Variants in ANKRD6 observed in about 807,000 individuals in gnomAD.
ANKRD6 encodes the protein ankyrin repeat domain 6, also known as ankyrin repeat domain-containing protein 6.
ANKRD6 carries 56 observed loss-of-function variants against 82.3 expected under a neutral mutation model. The observed-to-expected ratio is 0.68, with a 90% confidence interval of 0.55 to 0.85. The LOEUF (loss-of-function observed/expected upper bound fraction) is 0.85, where lower values mean the gene tolerates loss of function less well. Ranked by LOEUF, ANKRD6 falls within the 40% of genes least tolerant of loss-of-function variation. The pLI is 0.00. For synonymous variants in ANKRD6, 347 were observed against 352.1 expected (o/e 0.99, Z 0.16); for missense variants, 852 against 907.6 (o/e 0.94, Z 0.79).
At chr6:89,603,597 CG>C (rs988936386) in intron 4 of ANKRD6, among the ~76,000 whole-genome samples, 3 of 151,970 alleles carry the variant, frequency 2.0e-5, no homozygotes, top group South Asian at 4.2e-4. Flanking sequence ...AGGCCTGGGT[CG>C]GGGGGGTAAG....
At chr6:89,488,870 A>ATTCTATTCTG (rs1303869656) in intron 1 of ANKRD6, among the ~76,000 whole-genome samples, 1 of 79,456 alleles carries the variant, frequency 1.3e-5, no homozygotes, top group Non-Finnish European at 2.6e-5. Flanking sequence ...ATATCGATCT[A>ATTCTATTCTG]TTCTATTCTA....
At chr6:89,625,484 T>C (rs1196561844) in intron 13 of ANKRD6, among the ~76,000 whole-genome samples, 1 of 152,180 alleles carries the variant, frequency 6.6e-6, no homozygotes, top group Admixed American at 6.5e-5. Flanking sequence ...TGCTTGTATA[T>C]AATCCCTGTA....
chr6:89,590,114 A>G (rs146356285), intron 2 of ANKRD6, among the ~76,000 whole-genome samples: 1 of 152,344 alleles, frequency 6.6e-6, no homozygotes, highest in African/African-American at 2.4e-5. Flanking sequence ...ATTCTTTTCC[A>G]TATTTTTAGT....
At chr6:89,623,002 TGGGGTGGG>T (rs1327377947) in intron 10 of ANKRD6, among the ~76,000 whole-genome samples, 1 of 5,644 alleles carries the variant, frequency 1.8e-4, no homozygotes, top group African/African-American at 7.5e-4. Flanking sequence ...TGTTGTGGGT[TGGGGTGGG>T]GGAGTGGGGG....
chr6:89,612,490 C>G, intron 6 of ANKRD6, 120 bp downstream of exon 6: 4 of 1,074,612 alleles, frequency 3.7e-6, no homozygotes, highest in Non-Finnish European at 5.3e-6. Context: ...TATTTGGGGA[C>G]TATCTCTAAA....
Position 89,632,932 on chromosome 6 carries a change from A to G in ANKRD6, c.*1928A>G, listed in dbSNP as rs1807691141. 6.6e-6 allele frequency: 1 copy of G among 152,194 alleles called. No individual in the cohort carries two copies. Among genetic ancestry groups the G allele is most frequent in the Non-Finnish European group, 1.5e-5 (1 of 68,034 alleles). The allele number at this position is 152,194 out of a possible 1,614,324, so 9.4% of individuals were successfully genotyped here. ...TTCAGTAGGCTGTGTTCCAAGCAGG[A>G]ATTATTTTCACTTACCAAAATATCT... is the stretch of plus-strand genomic sequence containing the variant. On this transcript the variant is annotated 3_prime_UTR_variant, in exon 16 of 16. Coordinates refer to ENST00000339746, the MANE Select transcript of ANKRD6 (RefSeq NM_001242809.2).
chr6:89,571,348 G>T (rs977351741), intron 2 of ANKRD6, among the ~76,000 whole-genome samples: 2 of 152,086 alleles, frequency 1.3e-5, no homozygotes, highest in African/African-American at 2.4e-5. Flanking sequence ...TTCCTAATGG[G>T]TGTGAGGTGA....
chr6:89,576,937 T>A (rs1791244381), intron 2 of ANKRD6, among the ~76,000 whole-genome samples: 1 of 152,126 alleles, frequency 6.6e-6, no homozygotes, highest in Admixed American at 6.6e-5. Flanking sequence ...TTTTATTTTT[T>A]ATTTTTTTTT....
chr6:89,490,882 T>A (rs927229803), intron 1 of ANKRD6, among the ~76,000 whole-genome samples: 7 of 152,158 alleles, frequency 4.6e-5, no homozygotes, highest in African/African-American at 1.7e-4. Context: ...CCTGTGAATA[T>A]TCCCTTATTT....
chr6:89,501,089 G>T (rs374458927), intron 1 of ANKRD6, among the ~76,000 whole-genome samples: 35 of 151,848 alleles, frequency 2.3e-4, no homozygotes, highest in Non-Finnish European at 3.8e-4. Flanking sequence ...CATTTCTTAG[G>T]AGTAGCTTTT....
intron 1 of ANKRD6, among the ~76,000 whole-genome samples, chr6:89,560,278 G>T (rs950635065): frequency 7.9e-5 from 12 of 152,206 alleles, no homozygotes; most frequent in Non-Finnish European, 1.6e-4. Flanking sequence ...GCAGGGTTCA[G>T]TTTCGGGTGA....
chr6:89,552,054 G>T (rs1194332152), intron 1 of ANKRD6, among the ~76,000 whole-genome samples: 1 of 152,224 alleles, frequency 6.6e-6, no homozygotes, highest in Non-Finnish European at 1.5e-5. Context: ...TATTGGTTAA[G>T]GAATGTAGTG....
chr6:89,582,184 A>AT (rs1462424598), intron 2 of ANKRD6, among the ~76,000 whole-genome samples: 1 of 152,286 alleles, frequency 6.6e-6, no homozygotes, highest in African/African-American at 2.4e-5. Context: ...TTGAAGGAGA[A>AT]TTGTCAGGCC....
chr6:89,595,797 G>GATT, intron 2 of ANKRD6, 119 bp from the exon 3 acceptor site: 1 of 737,454 alleles, frequency 1.4e-6, no homozygotes, highest in African/African-American at 1.7e-5. Flanking sequence ...CAATCCAAAG[G>GATT]GGCAGGAGGG....
Position 89,578,286 on chromosome 6 carries a change from C to CTTTTTTTTTTTTTTTTTTTTTTTTTTTTT in ANKRD6, c.120+11216_120+11217insTTTTTTTTTTTTTTTTTTTTTTTTTTTTT, listed in dbSNP as rs71024383. Among the ~76,000 whole-genome samples, 4 of 119,098 alleles carry CTTTTTTTTTTTTTTTTTTTTTTTTTTTTT rather than the reference C, an allele frequency of 3.4e-5. 2 individuals are homozygous for CTTTTTTTTTTTTTTTTTTTTTTTTTTTTT. 78.1% of individuals were successfully genotyped at this position (119,098 alleles called of 152,430 possible). The stretch of plus-strand genomic sequence containing the variant: ...ATTAGCTTTTTCCCCCTCCCGCCTC[C>CTTTTTTTTTTTTTTTTTTTTTTTTTTTTT]TTTTTTTTTTTTTTTTTTTTTTTTT... On this transcript the variant is annotated intron_variant, in intron 2 of 15. Transcript: ENST00000339746.
intron 2 of ANKRD6, among the ~76,000 whole-genome samples, chr6:89,580,947 C>T (rs907729244): frequency 6.6e-6 from 1 of 152,066 alleles, no homozygotes; most frequent in Non-Finnish European, 1.5e-5. Flanking sequence ...TCCAAAGGAC[C>T]CCATACACTT....
intron 1 of ANKRD6, among the ~76,000 whole-genome samples, chr6:89,487,449 A>G (rs1562616140): frequency 6.6e-6 from 1 of 152,210 alleles, no homozygotes; most frequent in African/African-American, 2.4e-5. Context: ...CTTTGGATAC[A>G]TATTGCTAGA....
intron 3 of ANKRD6, chr6:89,601,506 A>G (rs1417153346): frequency 6.6e-6 from 1 of 152,196 alleles, no homozygotes; most frequent in Non-Finnish European, 1.5e-5. Context: ...TGTTAAATAT[A>G]AAAAGCTGGA....
chr6:89,508,803 A>G (rs570552341), intron 1 of ANKRD6: 1 of 152,192 alleles, frequency 6.6e-6, no homozygotes, highest in East Asian at 1.9e-4. Flanking sequence ...CTCACGGCAC[A>G]TCTTCCTAAT....
Sources: allele counts gnomAD v4.1 joint callset (sites outside exome capture counted in the v4.1 genomes callset), GRCh38; gene constraint gnomAD v4.1.1; transcripts MANE v1.5; gene names NCBI Gene and HGNC (gene_info 2026-07-23, HGNC 2026-07-21).